EHBP1: variants seen among roughly 807,000 people sequenced by gnomAD.
EHBP1 encodes the protein EH domain-binding protein 1.
Under a neutral mutation model 144.0 loss-of-function variants are expected in EHBP1, and 55 were observed. That is an observed-to-expected ratio of 0.38 (90% CI 0.31 to 0.48). EHBP1 has a LOEUF of 0.48. EHBP1 is among the 20% of genes least tolerant of loss of function. EHBP1 has a pLI of 0.98. For missense variants in EHBP1, 1,200 were observed against 1,364.2 expected (o/e 0.88, Z 1.90); for synonymous variants, 469 against 472.7 (o/e 0.99, Z 0.10).
intron 10 of EHBP1, among the ~76,000 whole-genome samples, chr2:62,890,828 A>C: frequency 6.6e-6 from 1 of 152,254 alleles, no homozygotes; most frequent in Non-Finnish European, 1.5e-5. Context: ...TCAGAGGTTG[A>C]ATTTATGTTG....
intron 2 of EHBP1, among the ~76,000 whole-genome samples, chr2:62,714,070 A>T (rs573068198): frequency 6.6e-6 from 1 of 152,254 alleles, no homozygotes; most frequent in East Asian, 1.9e-4. Context: ...GCCTGATCCA[A>T]ACTGGCTCTT....
At chr2:62,755,533 G>C (rs2040199560) in intron 3 of EHBP1, among the ~76,000 whole-genome samples, 1 of 152,120 alleles carries the variant, frequency 6.6e-6, no homozygotes, top group African/African-American at 2.4e-5. Flanking sequence ...GCATAACCAG[G>C]TAATAGGGTA....
intron 5 of EHBP1, among the ~76,000 whole-genome samples, chr2:62,805,888 G>T (rs1282495563): frequency 1.3e-5 from 2 of 152,116 alleles, no homozygotes; most frequent in African/African-American, 4.8e-5. Context: ...TCTGACAATT[G>T]CTGTCTTTCA....
chr2:62,734,924 G>A (rs1348311395), intron 2 of EHBP1, among the ~76,000 whole-genome samples: 1 of 152,024 alleles, frequency 6.6e-6, no homozygotes, highest in Non-Finnish European at 1.5e-5. Flanking sequence ...TTTTGAGATG[G>A]AGGTCTCACT....
At chr2:62,712,308 A>G (rs1343839452) in intron 2 of EHBP1, among the ~76,000 whole-genome samples, 7 of 152,144 alleles carry the variant, frequency 4.6e-5, no homozygotes, top group Non-Finnish European at 7.4e-5. Flanking sequence ...TTCTCAGGGA[A>G]ATGATATAAG....
At chr2:62,776,845 G>C (rs2042086311) in intron 5 of EHBP1, among the ~76,000 whole-genome samples, 2 of 151,956 alleles carry the variant, frequency 1.3e-5, no homozygotes, top group Non-Finnish European at 2.9e-5. Context: ...GACATTGTAG[G>C]GTTTTTTAAA....
intron 5 of EHBP1, among the ~76,000 whole-genome samples, chr2:62,796,418 A>G (rs1467211582): frequency 1.3e-5 from 2 of 152,290 alleles, no homozygotes; most frequent in East Asian, 3.9e-4. Context: ...CTAGGTTATC[A>G]TCAAATAGGT....
At chr2:62,837,437 A>G (rs1201283906) in intron 7 of EHBP1, among the ~76,000 whole-genome samples, 1 of 151,708 alleles carries the variant, frequency 6.6e-6, no homozygotes, top group East Asian at 1.9e-4. Context: ...TCAACTAACA[A>G]GCAAAATCAC....
At chr2:62,844,667 T>C (rs977165027) in intron 7 of EHBP1, among the ~76,000 whole-genome samples, 2 of 152,168 alleles carry the variant, frequency 1.3e-5, no homozygotes, top group Non-Finnish European at 2.9e-5. Flanking sequence ...ACCCCTGTAT[T>C]GTAAAGACAA....
At chr2:62,713,897 T>G (rs1204577804) in intron 2 of EHBP1, among the ~76,000 whole-genome samples, 1 of 152,244 alleles carries the variant, frequency 6.6e-6, no homozygotes, top group African/African-American at 2.4e-5. Context: ...GTCTTTATTC[T>G]ATGTGAAGAA....
At chr2:62,769,591 A>G (rs955670781) in intron 4 of EHBP1, among the ~76,000 whole-genome samples, 1 of 152,172 alleles carries the variant, frequency 6.6e-6, no homozygotes, top group African/African-American at 2.4e-5. Context: ...GCCCAAAGCA[A>G]TTTACAGATT....
chr2:62,865,768 T>C (rs1057450201), intron 9 of EHBP1, among the ~76,000 whole-genome samples: 4 of 152,118 alleles, frequency 2.6e-5, no homozygotes, highest in Non-Finnish European at 5.9e-5. Context: ...ATTATGTAAC[T>C]TATTTGTGGG....
chr2:62,785,771 T>G (rs1371282157), intron 5 of EHBP1, among the ~76,000 whole-genome samples: 1 of 152,192 alleles, frequency 6.6e-6, no homozygotes, highest in Non-Finnish European at 1.5e-5. Flanking sequence ...TTATGTGGAT[T>G]GCCCTAAAAT....
At chr2:62,915,571 C>G (rs1427779853) in intron 10 of EHBP1, among the ~76,000 whole-genome samples, 1 of 151,950 alleles carries the variant, frequency 6.6e-6, no homozygotes, top group Non-Finnish European at 1.5e-5. Context: ...GATGGGAATA[C>G]TAAATATTGT....
At chr2:62,764,419 A>C in intron 4 of EHBP1, 58 bp downstream of exon 4, 2 of 1,297,544 alleles carry the variant, frequency 1.5e-6, no homozygotes, top group Non-Finnish European at 2.1e-6. Context: ...ACCAAATGAC[A>C]GAATATTTCA....
chr2:62,826,114 C>G lies in EHBP1; in HGVS notation c.340C>G (p.Leu114Val), dbSNP rs371799353. ...ATCCCCTTCTGGTCGAAGGAAAGCT[C>G]TTGCTACTAGCAGCATCAATATGAA... ...NESPSGRRKALATSSINMKQY... is the reference protein window; with the variant it reads ...NESPSGRRKAVATSSINMKQY... The change falls in exon 6 of 23, where the codon CTT (leucine) becomes GTT (valine). Residue 114 changes from leucine to valine, a missense_variant. This residue lies in a region of EHBP1 where 137 missense variants were observed against 190.1 expected (regional missense o/e 0.72). Coordinates refer to ENST00000431489, the MANE Select transcript of EHBP1 (RefSeq NM_001142616.3). The G allele has an allele frequency of 5.3e-6, 8 of 1,510,636 alleles. No homozygotes were observed. Among genetic ancestry groups the G allele is most frequent in the Admixed American group, 2.1e-5 (1 of 47,388 alleles). 93.6% of individuals were successfully genotyped at this position (1,510,636 alleles called of 1,614,324 possible).
chr2:62,949,919 T>C (rs2057289211), intron 13 of EHBP1, among the ~76,000 whole-genome samples: 2 of 152,226 alleles, frequency 1.3e-5, no homozygotes, highest in Non-Finnish European at 2.9e-5. Flanking sequence ...AAAGTTATGA[T>C]ACCTGGTTTT....
intron 10 of EHBP1, among the ~76,000 whole-genome samples, chr2:62,882,882 CAAAA>C (rs11317874): frequency 7.0e-6 from 1 of 143,732 alleles, no homozygotes; most frequent in African/African-American, 2.6e-5. Context: ...AACTCCCTCT[CAAAA>C]AAAAAAAAAA....
At chr2:62,683,492 T>C (rs1381242869) in intron 1 of EHBP1, among the ~76,000 whole-genome samples, 1 of 151,498 alleles carries the variant, frequency 6.6e-6, no homozygotes, top group Non-Finnish European at 1.5e-5. Context: ...ACCCCACCTG[T>C]ACTGAAAATA....
Sources: allele counts gnomAD v4.1 joint callset (sites outside exome capture counted in the v4.1 genomes callset), GRCh38; gene constraint gnomAD v4.1.1; regional missense constraint gnomAD v4.1.1; transcripts MANE v1.5; gene names NCBI Gene and HGNC (gene_info 2026-07-23, HGNC 2026-07-21).